The following PPM1B variants were observed in gnomAD, a reference collection of about 807,000 sequenced individuals.
PPM1B encodes protein phosphatase 1B.
Under a neutral mutation model 43.0 loss-of-function variants are expected in PPM1B, and 22 were observed. That is an observed-to-expected ratio of 0.51 (90% confidence interval 0.37 to 0.73). PPM1B has a LOEUF of 0.73. Among genes scored for constraint, PPM1B ranks in the 30% least tolerant of loss-of-function variants. The pLI is 0.00. For synonymous variants in PPM1B, 217 were observed against 197.9 expected, an observed-to-expected ratio of 1.10 and a Z score of -0.81; for missense variants, 632 against 584.2, an observed-to-expected ratio of 1.08 and a Z score of -0.84.
intron 3 of PPM1B, among the ~76,000 whole-genome samples, chr2:44,212,874 G>T (rs527991797): frequency 6.6e-6 from 1 of 152,098 alleles, no homozygotes; most frequent in African/African-American, 2.4e-5. Flanking sequence ...TTAGCTGGGC[G>T]TGGTGGTGGG....
At chr2:44,218,362 G>C (rs1394203555) in intron 4 of PPM1B, 118 bp from the exon 5 acceptor site, 1 of 774,146 alleles carries the variant, frequency 1.3e-6, no homozygotes, top group East Asian at 2.7e-5. Context: ...GTATGTTCTT[G>C]ACAAGTATAG....
chr2:44,207,951 C>T (rs1172855821), intron 2 of PPM1B, among the ~76,000 whole-genome samples: 3 of 140,250 alleles, frequency 2.1e-5, no homozygotes, highest in Admixed American at 7.8e-5. Context: ...TACAGTGGTG[C>T]AATCTCAGCT....
At chr2:44,244,168 C>G in intron 5 of PPM1B, 3 of 892,174 alleles carry the variant, frequency 3.4e-6, no homozygotes, top group Non-Finnish European at 4.2e-6. Context: ...AACCCCAATC[C>G]TGCAAGAAAA....
rs185408148 is a variant in PPM1B, at chr2:44,203,514, A to G, written c.846+1469A>G. 1.0e-3 allele frequency among the ~76,000 whole-genome samples: 153 copies of G among 152,296 alleles called. 1 individual carries two copies. The highest frequency in any genetic ancestry group is 7.8e-4 in the Non-Finnish European group (53 of 68,008). ...ACTTACTATTGGAAAAAAAATCCAG[A>G]TGATGAAGAAAATATAGAGAAACAC... On this transcript the variant is annotated intron_variant, in intron 2 of 5. Transcript: ENST00000282412.
At chr2:44,187,776 G>A (rs1668194650) in intron 1 of PPM1B, among the ~76,000 whole-genome samples, 1 of 151,874 alleles carries the variant, frequency 6.6e-6, no homozygotes. Context: ...TTGAAATGGA[G>A]TCTTGCTCTG....
chr2:44,218,238 G>A (rs1346195434), intron 4 of PPM1B, among the ~76,000 whole-genome samples, 160 bp downstream of exon 4: 1 of 152,102 alleles, frequency 6.6e-6, no homozygotes, highest in Non-Finnish European at 1.5e-5. Flanking sequence ...AACCAAAAAC[G>A]ATTTTTTAAA....
At chr2:44,221,593 A>G (rs1166602664) in intron 5 of PPM1B, among the ~76,000 whole-genome samples, 1 of 152,210 alleles carries the variant, frequency 6.6e-6, no homozygotes, top group East Asian at 1.9e-4. Context: ...AGTTTTTTTA[A>G]ATAACAAAAA....
intron 1 of PPM1B, among the ~76,000 whole-genome samples, chr2:44,191,312 C>G (rs1029614409): frequency 2.0e-5 from 3 of 152,128 alleles, no homozygotes; most frequent in Non-Finnish European, 4.4e-5. Context: ...ATCCCAGGTT[C>G]AAGCTATTCT....
intron 1 of PPM1B, among the ~76,000 whole-genome samples, chr2:44,199,236 C>T (rs575738631): frequency 3.9e-5 from 5 of 128,840 alleles, no homozygotes; most frequent in African/African-American, 6.1e-5. Flanking sequence ...CCAGCCTGGG[C>T]GATAAAGCGA....
In PPM1B at chr2:44,201,957, A is replaced by G; in HGVS notation, c.758A>G (p.Glu253Gly). Residue 253 changes from glutamate to glycine, a missense_variant, in exon 2 of 6, where the codon GAG becomes GGG. Transcript: ENST00000282412. This position sits in a 1 kb window ranked among gnomAD's most constrained non-coding sequence, Gnocchi z 5.4. ...ATCTGGGATGTTATGAGTAATGAGG[A>G]GCTCTGTGAATATGTTAAATCTAGG... Reference protein sequence around the residue: ...DGIWDVMSNEELCEYVKSRLE... With the variant: ...DGIWDVMSNEGLCEYVKSRLE... 6.2e-7 allele frequency: 1 copy of G among 1,614,022 alleles called. No homozygotes were observed. The highest frequency in any genetic ancestry group is 8.5e-7 in the Non-Finnish European group (1 of 1,179,952).
At chr2:44,192,804 G>A (rs1466680841) in intron 1 of PPM1B, among the ~76,000 whole-genome samples, 1 of 152,140 alleles carries the variant, frequency 6.6e-6, no homozygotes, top group East Asian at 1.9e-4. Flanking sequence ...ACATGCAAGT[G>A]AGAATATACA....
intron 3 of PPM1B, among the ~76,000 whole-genome samples, chr2:44,213,105 T>C (rs1029113097): frequency 3.6e-4 from 31 of 86,508 alleles, no homozygotes; most frequent in Non-Finnish European, 6.1e-4. Context: ...CTTAAGGCCC[T>C]TTTTTTTTTT....
At position 44,218,503 on chromosome 2, in the gene PPM1B, A is replaced by G. The variant is rs747040753; in HGVS notation, c.1100A>G (p.Tyr367Cys). ...AGGCGTAATGTTATTGAAGCTGTTT[A>G]TAGTAGACTGAATCCACATAGAGAA... ...AGKRNVIEAV[Y>C]SRLNPHRESD... The change falls in exon 5 of 6, where the codon TAT becomes TGT. Residue 367 changes from tyrosine to cysteine, a missense_variant. Around this residue, in one of 3 missense-constraint regions of PPM1B, gnomAD observed 392 missense variants for 302.7 expected, o/e 1.29. Transcript: ENST00000282412. The G allele has an allele frequency of 1.0e-5, 16 of 1,587,242 alleles. No homozygotes were observed. The highest frequency in any genetic ancestry group is 1.2e-5 in the Non-Finnish European group (14 of 1,170,416).
chr2:44,244,460 A>C, downstream of PPM1B: 2 of 998,902 alleles, frequency 2.0e-6, no homozygotes. Context: ...TGTGCCCTTC[A>C]AAATCATATT....
At chr2:44,170,486 A>C (rs116184045) in intron 1 of PPM1B, among the ~76,000 whole-genome samples, 3,189 of 152,378 alleles carry the variant, frequency 0.021, 44 homozygotes, top group Non-Finnish European at 0.034. Flanking sequence ...ACTGAGGCTT[A>C]CTGTGGGATT....
rs186757294 is a variant in PPM1B at position 44,178,918 on chromosome 2, A to G, written c.-15+9644A>G. 5.9e-5 allele frequency among the ~76,000 whole-genome samples: 9 copies of G among 152,362 alleles called. No homozygotes were observed. The East Asian group carries it at 1.7e-3, about 29-fold the overall frequency. On this transcript the variant is annotated intron_variant, in intron 1 of 5. Coordinates refer to ENST00000282412, the MANE Select transcript of PPM1B (RefSeq NM_002706.6). ...AATCCAGTATTTCCAAAATGATTCA[A>G]TATATAAACAATGAAGTTAATTAGA... is the stretch of plus-strand genomic sequence containing the variant.
At chr2:44,196,816 T>C (rs1174852533) in intron 1 of PPM1B, among the ~76,000 whole-genome samples, 2 of 152,228 alleles carry the variant, frequency 1.3e-5, no homozygotes, top group African/African-American at 4.8e-5. Flanking sequence ...AGAGTGGTTA[T>C]AACATCTCAG....
chr2:44,183,735 G>GT (rs761477508), intron 1 of PPM1B, among the ~76,000 whole-genome samples: 16 of 151,548 alleles, frequency 1.1e-4, no homozygotes, highest in South Asian at 1.0e-3. Flanking sequence ...TGGTATCTTA[G>GT]TTTTTTTTTC....
At chr2:44,207,226 G>T (rs974949385) in intron 2 of PPM1B, among the ~76,000 whole-genome samples, 1 of 152,146 alleles carries the variant, frequency 6.6e-6, no homozygotes, top group African/African-American at 2.4e-5. Flanking sequence ...CCTGTCTTTT[G>T]GGCTGTGTCA....
Sources: gnomAD v4.1 joint callset for allele counts (sites outside exome capture counted in the v4.1 genomes callset) on GRCh38, gnomAD v4.1.1 for gene constraint, gnomAD v4.1.1 regional missense constraint, Gnocchi (gnomAD v3.1) non-coding constraint, MANE v1.5 for transcripts, NCBI Gene and HGNC (gene_info 2026-07-23, HGNC 2026-07-21) for gene names.